The following SLC3A1 variants were observed in gnomAD, a reference collection of about 807,000 sequenced individuals.
SLC3A1 encodes solute carrier family 3 member 1.
SLC3A1 carries 78 observed loss-of-function variants against 60.3 expected under a neutral mutation model. The observed-to-expected ratio is 1.29, with a 90% CI of 1.08 to 1.56. The LOEUF is 1.56. Among genes scored for constraint, SLC3A1 ranks in the 40% most tolerant of loss-of-function variants. The pLI is 0.00. For synonymous variants in SLC3A1, 392 were observed against 307.9 expected (o/e 1.27, Z -2.86); for missense variants, 1,172 against 858.9 (o/e 1.36, Z -4.56).
Position 44,320,188 on chromosome 2 carries a change from T to A in SLC3A1, c.1618-11T>A, listed in dbSNP as rs142602711. 1.2e-4 allele frequency: 186 copies of A among 1,606,742 alleles called. 1 individual carries two copies. The African/African-American group carries it at 2.0e-3, about 17-fold the overall frequency. On this transcript the variant is annotated splice_polypyrimidine_tract_variant and intron_variant, in intron 9 of 9. Transcript: ENST00000260649. ...TCAAACACTTACGTAAATACTTTTT[T>A]AAAAAAATAGGTCCAAAAGACTCAG...
chr2:44,277,155 T>A (rs1228965860), intron 1 of SLC3A1, among the ~76,000 whole-genome samples: 4 of 147,938 alleles, frequency 2.7e-5, no homozygotes, highest in Non-Finnish European at 6.0e-5. Flanking sequence ...TTGCCCAGGC[T>A]GGAGTGCAAT....
intron 1 of SLC3A1, 73 bp downstream of exon 1, chr2:44,276,038 C>A: frequency 1.5e-6 from 2 of 1,345,814 alleles, no homozygotes; most frequent in Non-Finnish European, 2.1e-6. Context: ...TCTTCAGAAC[C>A]AAATTATGCC....
chr2:44,281,986 C>T (rs1671509904), intron 3 of SLC3A1, among the ~76,000 whole-genome samples: 1 of 152,114 alleles, frequency 6.6e-6, no homozygotes, highest in Admixed American at 6.5e-5. Flanking sequence ...ATTCTCTTGC[C>T]TCAGCCTTAC....
chr2:44,305,918 C>T (rs1405074081), intron 7 of SLC3A1, among the ~76,000 whole-genome samples: 1 of 152,136 alleles, frequency 6.6e-6, no homozygotes, highest in Admixed American at 6.5e-5. Flanking sequence ...CTATTGTATA[C>T]TATAGCACCC....
At chr2:44,315,292 A>T (rs1373254428) in intron 9 of SLC3A1, 2 of 152,074 alleles carry the variant, frequency 1.3e-5, no homozygotes, top group East Asian at 3.9e-4. Context: ...TGCCATTTTA[A>T]TAAAATACAT....
At chr2:44,289,942 T>C (rs1386979519) in intron 4 of SLC3A1, among the ~76,000 whole-genome samples, 2 of 135,174 alleles carry the variant, frequency 1.5e-5, no homozygotes, top group Admixed American at 7.2e-5. Context: ...AATTTATTTA[T>C]TTTTTTCTTT....
intron 5 of SLC3A1, 125 bp downstream of exon 5, chr2:44,300,215 A>C: frequency 1.0e-6 from 1 of 956,136 alleles, no homozygotes; most frequent in Non-Finnish European, 1.6e-6. Flanking sequence ...AAGTACCCTG[A>C]TTTATTTCTT....
intron 6 of SLC3A1, among the ~76,000 whole-genome samples, chr2:44,303,558 T>TG (rs1558463969): frequency 3.5e-4 from 18 of 51,596 alleles, no homozygotes; most frequent in Non-Finnish European, 6.8e-4. Context: ...TTCATTTTTT[T>TG]TGGGGGGGGT....
Position 44,280,738 on chromosome 2 carries a change from C to CA in SLC3A1, c.454dup (p.Ile152AsnfsTer16). ...CAGGTATTCAAGATAAACTGGACTACATCACAGCTTTAAATATAAAAACTG... is the reference window on the plus strand; with the variant it reads ...CAGGTATTCAAGATAAACTGGACTACAATCACAGCTTTAAATATAAAAACTG... On this transcript the variant is annotated frameshift_variant, in exon 2 of 10. Transcript: ENST00000260649. LOFTEE classifies it high-confidence loss of function. 6.2e-7 allele frequency: 1 copy of CA among 1,610,282 alleles called. No individual in the cohort carries two copies. Among genetic ancestry groups the CA allele is most frequent in the Non-Finnish European group, 8.5e-7 (1 of 1,176,574 alleles).
At chr2:44,315,217 A>C (rs1384521607) in intron 9 of SLC3A1, 3 of 152,162 alleles carry the variant, frequency 2.0e-5, no homozygotes, top group African/African-American at 4.8e-5. Flanking sequence ...TGTTGGGATT[A>C]CAGGCGTGAG....
Position 44,300,986 on chromosome 2 carries a change from C to A in SLC3A1, c.1012-17C>A. ...ATGTATGAAATGAGGGTAACCATGT[C>A]GTCCTGGTTTTCAAAGGACACGGTC... On this transcript the variant is annotated splice_polypyrimidine_tract_variant and intron_variant, in intron 5 of 9. Coordinates refer to ENST00000260649, the MANE Select transcript of SLC3A1 (RefSeq NM_000341.4). The A allele has an allele frequency of 1.9e-6, 3 of 1,613,560 alleles. No individual in the cohort carries two copies. Among genetic ancestry groups the A allele is most frequent in the Non-Finnish European group, 2.5e-6 (3 of 1,179,976 alleles).
chr2:44,284,927 T>C (rs1035153083), intron 3 of SLC3A1, among the ~76,000 whole-genome samples: 17 of 152,302 alleles, frequency 1.1e-4, no homozygotes, highest in African/African-American at 4.1e-4. Context: ...CTAATGATGA[T>C]GTGTCTAATT....
rs1671996182 is a variant in SLC3A1 at position 44,301,144 on chromosome 2, G to A, written c.1136+17G>A. 1.9e-6 allele frequency: 3 copies of A among 1,613,998 alleles called. No individual in the cohort carries two copies. The highest frequency in any genetic ancestry group is 2.7e-5 in the African/African-American group (2 of 74,898). ...CAGATACAGGTTGACCACGGCATAT[G>A]CTCTCATTTCTTCCCAGGCTTAGTG... On this transcript the variant is annotated intron_variant, in intron 6 of 9. Coordinates refer to ENST00000260649, the MANE Select transcript of SLC3A1 (RefSeq NM_000341.4).
chr2:44,314,351 A>G, intron 9 of SLC3A1: 2 of 412,834 alleles, frequency 4.8e-6, no homozygotes, highest in Non-Finnish European at 8.8e-6. Flanking sequence ...ATCAACCCAG[A>G]GCAAGGCTCA....
chr2:44,316,190 A>T (rs1558471254), intron 9 of SLC3A1: 1 of 152,194 alleles, frequency 6.6e-6, no homozygotes, highest in Non-Finnish European at 1.5e-5. Flanking sequence ...TCTGAGAAAA[A>T]CCAAGGCCAT....
chr2:44,278,214 G>A (rs1671394036), intron 1 of SLC3A1, among the ~76,000 whole-genome samples: 1 of 152,072 alleles, frequency 6.6e-6, no homozygotes, highest in African/African-American at 2.4e-5. Flanking sequence ...GGAGGCCGAG[G>A]CAGGTGGATC....
chr2:44,299,980 C>A lies in SLC3A1; in HGVS notation c.901C>A (p.Arg301=). ...GCTTCTTCATCTTTAGGAAATTTTACGGTTCTGGCTCACAAAGGGTGTTGA... is the reference window on the plus strand; with the variant it reads ...GCTTCTTCATCTTTAGGAAATTTTAAGGTTCTGGCTCACAAAGGGTGTTGA... The part of the protein sequence containing the change: ...DVQEEIKEIL[R]FWLTKGVDGF... The change falls in exon 5 of 10, where the codon CGG becomes AGG. Residue 301 remains arginine, a synonymous_variant. Coordinates refer to ENST00000260649, the MANE Select transcript of SLC3A1 (RefSeq NM_000341.4). 1.9e-6 allele frequency: 3 copies of A among 1,613,924 alleles called. No individual in the cohort carries two copies. Among genetic ancestry groups the A allele is most frequent in the Non-Finnish European group, 2.5e-6 (3 of 1,179,874 alleles).
intron 1 of SLC3A1, among the ~76,000 whole-genome samples, 198 bp from the exon 2 acceptor site, chr2:44,280,518 G>A (rs577002816): frequency 4.6e-5 from 7 of 152,208 alleles, no homozygotes; most frequent in South Asian, 4.1e-4. Context: ...GATTACAGGC[G>A]TGAACCACTA....
At chr2:44,316,083 T>C (rs1241661897) in intron 9 of SLC3A1, among the ~76,000 whole-genome samples, 1 of 151,916 alleles carries the variant, frequency 6.6e-6, no homozygotes. Flanking sequence ...CAGACCCACA[T>C]CCAACTTGGC....
Sources: gnomAD v4.1 joint callset for allele counts (sites outside exome capture counted in the v4.1 genomes callset) on GRCh38, gnomAD v4.1.1 for gene constraint, MANE v1.5 for transcripts, NCBI Gene and HGNC (gene_info 2026-07-23, HGNC 2026-07-21) for gene names.